PDCD2L: variants seen among roughly 807,000 people sequenced by gnomAD.
PDCD2L encodes the protein uS5 assembly chaperone PDCD2L.
A neutral mutation model predicts 40.4 loss-of-function variants in PDCD2L; 44 were observed. The observed-to-expected ratio is 1.09, with a 90% CI of 0.86 to 1.40. The LOEUF (loss-of-function observed/expected upper bound fraction) is 1.40, where lower values mean the gene tolerates loss of function less well. PDCD2L is among the 40% of genes most tolerant of loss of function. PDCD2L has a pLI of 0.00. For missense variants in PDCD2L, 470 were observed against 453.7 expected (o/e 1.04, Z -0.33); for synonymous variants, 194 against 174.6 (o/e 1.11, Z -0.88).
intron 4 of PDCD2L, among the ~76,000 whole-genome samples, chr19:34,412,708 A>G (rs1326705754): frequency 7.7e-6 from 1 of 129,938 alleles, no homozygotes; most frequent in East Asian, 2.3e-4. Flanking sequence ...ACAGAGGGAG[A>G]CTCCCTCTCA....
rs1365405729 is a variant in PDCD2L, at chr19:34,404,668, C to G, written c.128C>G (p.Ala43Gly). 6.2e-7 allele frequency: 1 copy of G among 1,611,484 alleles called. No individual in the cohort carries two copies. Residue 43 changes from alanine to glycine, a missense_variant, in exon 2 of 7, where the codon GCT becomes GGT. Ala to Gly is a moderately conservative substitution (Grantham distance 60). Transcript: ENST00000246535. ...GGIPDALPTVAAPRPVCQRCG... is the reference protein window; with the variant it reads ...GGIPDALPTVGAPRPVCQRCG... The stretch of plus-strand genomic sequence containing the variant: ...CCTCAGGATGCTCTGCCCACCGTGG[C>G]TGCGCCCAGGCCCGTGTGTCAGCGC...
At position 34,413,809 on chromosome 19, in the gene PDCD2L, C is replaced by G. The variant is rs771010711; in HGVS notation, c.759C>G (p.Phe253Leu). 1.4e-5 allele frequency: 22 copies of G among 1,607,294 alleles called. No individual in the cohort carries two copies. Among genetic ancestry groups the G allele is most frequent in the Non-Finnish European group, 1.7e-5 (20 of 1,175,580 alleles). The change falls in exon 5 of 7, where the codon TTC becomes TTG. Residue 253 changes from phenylalanine to leucine, a missense_variant. Phe to Leu is a conservative substitution (Grantham distance 22). Coordinates refer to ENST00000246535, the MANE Select transcript of PDCD2L (RefSeq NM_032346.2). ...IKSGDQTFYK[F>L]MKRIAACQEQ... is the part of the protein sequence containing the mutation. ...GTGGAGATCAGACGTTTTACAAATT[C>G]ATGAAGCGAATTGCTGCTTGTCAGG...
chr19:34,413,723 G>C lies in PDCD2L; in HGVS notation c.687-14G>C. 1 of 1,403,958 alleles carries C rather than the reference G, an allele frequency of 7.1e-7. No individual in the cohort carries two copies. The highest frequency in any genetic ancestry group is 1.0e-6 in the Non-Finnish European group (1 of 1,001,422). The allele number at this position is 1,403,958 out of a possible 1,614,324, so 87.0% of individuals were successfully genotyped here. On this transcript the variant is annotated splice_polypyrimidine_tract_variant and intron_variant, in intron 4 of 6. Transcript: ENST00000246535. ...ATATAGACATTCAAAAGTGTTTTCT[G>C]CTTCTGTTTTTAGCCTTCCTAATGA...
At chr19:34,411,436 G>A (rs1278912896) in intron 4 of PDCD2L, among the ~76,000 whole-genome samples, 1 of 151,482 alleles carries the variant, frequency 6.6e-6, no homozygotes, top group Non-Finnish European at 1.5e-5. Context: ...GTAGAGATGG[G>A]CTTTTGCCAT....
chr19:34,416,872 T>C (rs892493901), intron 5 of PDCD2L, among the ~76,000 whole-genome samples: 1 of 152,082 alleles, frequency 6.6e-6, no homozygotes, highest in South Asian at 2.1e-4. Flanking sequence ...TCCCAACACT[T>C]TGGGAGGCCG....
chr19:34,407,467 C>T (rs1449384315), intron 3 of PDCD2L, among the ~76,000 whole-genome samples: 3 of 149,584 alleles, frequency 2.0e-5, no homozygotes, highest in Admixed American at 2.0e-4. Context: ...CACCACTCTA[C>T]TCTCTACTTC....
intron 3 of PDCD2L, among the ~76,000 whole-genome samples, chr19:34,407,427 C>A (rs546034230): frequency 6.6e-6 from 1 of 152,352 alleles, no homozygotes; most frequent in African/African-American, 2.4e-5. Context: ...GCGTGAGCCA[C>A]CACACCTGGC....
At chr19:34,409,723 A>G (rs75027154) in intron 4 of PDCD2L, among the ~76,000 whole-genome samples, 6,114 of 152,316 alleles carry the variant, frequency 0.04, 186 homozygotes, top group Admixed American at 0.11. Flanking sequence ...ATGAACAAAC[A>G]GAAGTTAGAG....
At chr19:34,410,700 A>G (rs2075098073) in intron 4 of PDCD2L, among the ~76,000 whole-genome samples, 1 of 152,082 alleles carries the variant, frequency 6.6e-6, no homozygotes, top group African/African-American at 2.4e-5. Context: ...GGAATGCATG[A>G]AGACATGTTG....
intron 3 of PDCD2L, among the ~76,000 whole-genome samples, chr19:34,407,192 A>C (rs891017744): frequency 6.6e-6 from 1 of 150,882 alleles, no homozygotes; most frequent in Non-Finnish European, 1.5e-5. Context: ...GCCAGGCCGG[A>C]GTGCAGTAGC....
chr19:34,407,064 T>G (rs531300829), intron 3 of PDCD2L, among the ~76,000 whole-genome samples: 56 of 151,704 alleles, frequency 3.7e-4, no homozygotes, highest in African/African-American at 1.4e-3. Flanking sequence ...CTTGAACTCC[T>G]GACCTCAGGC....
At chr19:34,405,153 TTTTTTTTTTTTGAGACGGAG>T (rs2075068233) in intron 3 of PDCD2L, among the ~76,000 whole-genome samples, 163 bp downstream of exon 3, 1 of 148,442 alleles carries the variant, frequency 6.7e-6, no homozygotes, top group Non-Finnish European at 1.5e-5. Context: ...GTTTTTTTTT[TTTTTTTTTTTTGAGACGGAG>T]TTTCGCTCTG....
At chr19:34,413,398 C>T (rs941209972) in intron 4 of PDCD2L, among the ~76,000 whole-genome samples, 3 of 144,578 alleles carry the variant, frequency 2.1e-5, no homozygotes, top group African/African-American at 5.2e-5. Context: ...TGGCATGGCA[C>T]GATCTCGGCT....
chr19:34,410,058 TA>T (rs2075094983), intron 4 of PDCD2L, among the ~76,000 whole-genome samples: 1 of 151,906 alleles, frequency 6.6e-6, no homozygotes, highest in Non-Finnish European at 1.5e-5. Flanking sequence ...TGAAAGGCTT[TA>T]TAAACCAAAG....
chr19:34,415,085 A>G (rs2145465781), intron 5 of PDCD2L, among the ~76,000 whole-genome samples: 1 of 152,274 alleles, frequency 6.6e-6, no homozygotes, highest in Admixed American at 6.5e-5. Context: ...GGCATCAGCC[A>G]CGACCCTTGG....
chr19:34,426,071 A>T lies in PDCD2L; in HGVS notation c.1028A>T (p.Glu343Val), dbSNP rs1287880202. 2.5e-6 allele frequency: 4 copies of T among 1,603,582 alleles called. No homozygotes were observed. Among genetic ancestry groups the T allele is most frequent in the Non-Finnish European group, 3.4e-6 (4 of 1,170,478 alleles). ...CWPPNHQTPM[E>V]EFCIIQEDPD... is the part of the protein sequence containing the mutation. Reference sequence around the variant, plus strand: ...CCCCCAAATCATCAGACTCCCATGGAAGAATTTTGTATTATACAAGAAGAC... The same window carrying T: ...CCCCCAAATCATCAGACTCCCATGGTAGAATTTTGTATTATACAAGAAGAC... The change falls in exon 7 of 7, where the codon GAA becomes GTA. Residue 343 changes from glutamate (E) to valine (V), a missense_variant. Glu to Val is a moderately radical substitution (Grantham distance 121). Coordinates refer to ENST00000246535, the MANE Select transcript of PDCD2L (RefSeq NM_032346.2).
At position 34,404,767 on chromosome 19, in the gene PDCD2L, A is replaced by G; in HGVS notation, c.227A>G (p.His76Arg). 6.2e-7 allele frequency: 1 copy of G among 1,610,036 alleles called. No homozygotes were observed. Among genetic ancestry groups the G allele is most frequent in the African/African-American group, 1.3e-5 (1 of 75,012 alleles). The change falls in exon 2 of 7, where the codon CAC becomes CGC. Residue 76 changes from histidine to arginine, a missense_variant. Coordinates refer to ENST00000246535, the MANE Select transcript of PDCD2L (RefSeq NM_032346.2). ...LEGSPFHRLL[H>R]VFACACPGCS... ...GGCTCCCCGTTTCACCGTCTGCTGC[A>G]CGTGTTCGCGTGCGCCTGCCCCGGC...
chr19:34,424,656 G>A (rs2075167684), intron 6 of PDCD2L, among the ~76,000 whole-genome samples: 4 of 151,926 alleles, frequency 2.6e-5, no homozygotes, highest in Admixed American at 2.6e-4. Context: ...TACTGGAGTT[G>A]TAGACTTGCT....
At chr19:34,407,143 A>G (rs2145457496) in intron 3 of PDCD2L, among the ~76,000 whole-genome samples, 1 of 147,616 alleles carries the variant, frequency 6.8e-6, no homozygotes, top group Non-Finnish European at 1.5e-5. Context: ...GGCTCACTCC[A>G]GATTTTTTTT....
Sources: allele counts gnomAD v4.1 joint callset (sites outside exome capture counted in the v4.1 genomes callset), GRCh38; gene constraint gnomAD v4.1.1; transcripts MANE v1.5; gene names NCBI Gene and HGNC (gene_info 2026-07-23, HGNC 2026-07-21).